Variants in LMCD1 observed in about 807,000 individuals in gnomAD.
LMCD1 encodes the protein LIM and cysteine-rich domains protein 1.
A neutral mutation model predicts 42.7 loss-of-function variants in LMCD1; 32 were observed. That is an observed-to-expected ratio of 0.75 (90% CI 0.57 to 1.01). The LOEUF is 1.01. Ranked by LOEUF, LMCD1 falls within the 50% of genes least tolerant of loss-of-function variation. LMCD1 has a pLI of 0.00. For synonymous variants in LMCD1, 178 were observed against 184.9 expected (o/e 0.96, Z 0.30); for missense variants, 458 against 483.1 (o/e 0.95, Z 0.49).
At position 8,567,449 on chromosome 3, in the gene LMCD1, G is replaced by A. The variant is rs762826592; in HGVS notation, c.949G>A (p.Ala317Thr). The change falls in exon 6 of 6, where the codon GCT (alanine) becomes ACT (threonine). Residue 317 changes from alanine (A) to threonine (T), a missense_variant. Physicochemically the swap from Ala to Thr is moderately conservative, Grantham distance 58. Transcript: ENST00000157600. ...CTGCTCCCCTCCCCAGATAATATTC[G>A]CTGAGGACTACCAGCGTGTGGAAGA... ...RCSGCDEIIF[A>T]EDYQRVEDLA... 63 of 1,613,538 alleles carry A rather than the reference G, an allele frequency of 3.9e-5. No individual in the cohort carries two copies. The highest frequency in any genetic ancestry group is 3.2e-4 in the South Asian group (29 of 91,038).
intron 2 of LMCD1, among the ~76,000 whole-genome samples, chr3:8,536,941 C>T (rs926687192): frequency 6.6e-6 from 1 of 152,196 alleles, no homozygotes; most frequent in Admixed American, 6.5e-5. Context: ...AAACATACCA[C>T]TCTTTTTACC....
chr3:8,540,767 A>G (rs533195851), intron 3 of LMCD1, among the ~76,000 whole-genome samples: 23 of 152,334 alleles, frequency 1.5e-4, no homozygotes, highest in East Asian at 1.9e-4. Flanking sequence ...TTGTATGTGT[A>G]TCTCATGAAC....
chr3:8,519,145 A>G (rs908686700), intron 1 of LMCD1, among the ~76,000 whole-genome samples: 3 of 152,250 alleles, frequency 2.0e-5, no homozygotes, highest in Admixed American at 2.0e-4. Context: ...CTTACAGTCT[A>G]GCAGGAAACA....
intron 1 of LMCD1, among the ~76,000 whole-genome samples, chr3:8,529,162 C>T (rs1040086239): frequency 6.6e-6 from 1 of 152,168 alleles, no homozygotes; most frequent in Non-Finnish European, 1.5e-5. Context: ...CTGTGGCTGA[C>T]TGATGTTTTC....
In LMCD1 at chr3:8,527,819, A is replaced by G. The variant is rs181229881; in HGVS notation, c.43-4918A>G. On this transcript the variant is annotated intron_variant, in intron 1 of 5. Transcript: ENST00000157600. ...ACAATTGTTGTGCAAATATGAAGTG[A>G]AACTTAACAAAGATTGTGTTCTACC... 2.1e-3 allele frequency among the ~76,000 whole-genome samples: 318 copies of G among 152,346 alleles called. 2 individuals are homozygous for G. The highest frequency in any genetic ancestry group is 3.4e-3 in the Middle Eastern group (1 of 294).
intron 1 of LMCD1, among the ~76,000 whole-genome samples, chr3:8,510,704 ACCCAC>A (rs749017393): frequency 6.6e-6 from 1 of 152,286 alleles, no homozygotes; most frequent in East Asian, 1.9e-4. Flanking sequence ...CCATAATTAT[ACCCAC>A]TGCTAGATCA....
Position 8,572,676 on chromosome 3 carries a change from T to C in LMCD1, c.*5078T>C, listed in dbSNP as rs1695237897. ...GATTTCTATTTTATTAAATAGTTTA[T>C]AATTGATTACCATCCTTATTTATTT... is the stretch of plus-strand genomic sequence containing the variant. On this transcript the variant is annotated 3_prime_UTR_variant, in exon 6 of 6. Coordinates refer to ENST00000157600, the MANE Select transcript of LMCD1 (RefSeq NM_014583.4). 2 of 152,240 alleles carry C rather than the reference T, an allele frequency of 1.3e-5. No individual in the cohort carries two copies. Among genetic ancestry groups the C allele is most frequent in the Non-Finnish European group, 2.9e-5 (2 of 68,044 alleles). 9.4% of individuals were successfully genotyped at this position (152,240 alleles called of 1,614,324 possible).
chr3:8,537,838 G>A (rs545602112), intron 3 of LMCD1, among the ~76,000 whole-genome samples: 2 of 152,320 alleles, frequency 1.3e-5, no homozygotes, highest in African/African-American at 4.8e-5. Flanking sequence ...CAAACCTGTA[G>A]GAGAGCAGAG....
intron 3 of LMCD1, among the ~76,000 whole-genome samples, chr3:8,541,836 G>A (rs903855497): frequency 1.3e-5 from 2 of 152,046 alleles, no homozygotes; most frequent in Admixed American, 1.3e-4. Flanking sequence ...GTGGTTGCTT[G>A]GAGGGCTGTG....
rs562307133 is a variant in LMCD1, at chr3:8,530,338, G to C, written c.43-2399G>C. Among the ~76,000 whole-genome samples the C allele has an allele frequency of 9.2e-5, 14 of 152,318 alleles. 2 individuals carry two copies. The highest frequency in any genetic ancestry group is 3.4e-4 in the African/African-American group (14 of 41,582). The stretch of plus-strand genomic sequence containing the variant: ...GAAATGACTCATCTCCAGTTACACA[G>C]CTAATAAATGCCAGAGTTGGCACCC... On this transcript the variant is annotated intron_variant, in intron 1 of 5. Coordinates refer to ENST00000157600, the MANE Select transcript of LMCD1 (RefSeq NM_014583.4).
intron 4 of LMCD1, among the ~76,000 whole-genome samples, chr3:8,552,150 C>T (rs1308802810): frequency 2.0e-5 from 3 of 152,226 alleles, no homozygotes; most frequent in African/African-American, 4.8e-5. Context: ...ATTGCCTGAA[C>T]CAAGGACAGG....
chr3:8,505,727 C>T (rs921482974), intron 1 of LMCD1, among the ~76,000 whole-genome samples: 1 of 152,228 alleles, frequency 6.6e-6, no homozygotes, highest in African/African-American at 2.4e-5. Context: ...ACCTGGATGT[C>T]TCTCTCCATG....
At chr3:8,545,991 A>G (rs1400213830) in intron 3 of LMCD1, among the ~76,000 whole-genome samples, 1 of 152,104 alleles carries the variant, frequency 6.6e-6, no homozygotes, top group Non-Finnish European at 1.5e-5. Flanking sequence ...GCCGGGTGTA[A>G]TGGCTCACGC....
chr3:8,520,518 C>T (rs1310774736), intron 1 of LMCD1, among the ~76,000 whole-genome samples: 4 of 152,108 alleles, frequency 2.6e-5, no homozygotes, highest in Non-Finnish European at 5.9e-5. Context: ...AAGGGGTCCC[C>T]ACAGGGACCT....
chr3:8,547,420 A>G (rs1052535387), intron 3 of LMCD1, among the ~76,000 whole-genome samples: 1 of 152,242 alleles, frequency 6.6e-6, no homozygotes, highest in African/African-American at 2.4e-5. Flanking sequence ...TTTAATAAAT[A>G]TACTATTGTC....
chr3:8,521,094 A>G (rs1694196884), intron 1 of LMCD1, among the ~76,000 whole-genome samples: 1 of 152,194 alleles, frequency 6.6e-6, no homozygotes, highest in Non-Finnish European at 1.5e-5. Flanking sequence ...TAAAAATCCT[A>G]TCACTTCAGT....
intron 3 of LMCD1, among the ~76,000 whole-genome samples, chr3:8,546,693 A>G (rs1451787982): frequency 6.6e-6 from 1 of 152,236 alleles, no homozygotes; most frequent in African/African-American, 2.4e-5. Context: ...CAAAGCATAC[A>G]GTGCTGCTTG....
intron 1 of LMCD1, among the ~76,000 whole-genome samples, chr3:8,503,699 T>G (rs1693816231): frequency 6.6e-6 from 1 of 152,226 alleles, no homozygotes; most frequent in Non-Finnish European, 1.5e-5. Context: ...AGGCTTCATT[T>G]TATGCATTAT....
At chr3:8,537,469 G>A (rs1323771742) in intron 3 of LMCD1, 29 bp downstream of exon 3, 6 of 1,531,278 alleles carry the variant, frequency 3.9e-6, no homozygotes, top group Non-Finnish European at 5.3e-6. Context: ...CCAAGCAGTT[G>A]TTTTCCTATC....
Sources: gnomAD v4.1 joint callset for allele counts (sites outside exome capture counted in the v4.1 genomes callset) on GRCh38, gnomAD v4.1.1 for gene constraint, MANE v1.5 for transcripts, NCBI Gene and HGNC (gene_info 2026-07-23, HGNC 2026-07-21) for gene names.